Variants in LIPE observed in about 807,000 individuals in gnomAD.
LIPE encodes the protein hormone-sensitive lipase.
LIPE carries 66 observed loss-of-function variants against 88.5 expected under a neutral mutation model. That is an observed-to-expected ratio of 0.75 (90% CI 0.61 to 0.91). The LOEUF (loss-of-function observed/expected upper bound fraction) is 0.91, where lower values mean the gene tolerates loss of function less well. LIPE is among the 40% of genes least tolerant of loss of function. LIPE has a pLI of 0.00. For missense variants in LIPE, 1,346 were observed against 1,434.7 expected (o/e 0.94, Z 1.00); for synonymous variants, 570 against 617.5 (o/e 0.92, Z 1.14).
intron 1 of LIPE, among the ~76,000 whole-genome samples, chr19:42,421,108 A>G (rs2040589840): frequency 6.6e-6 from 1 of 152,104 alleles, no homozygotes; most frequent in African/African-American, 2.4e-5. Context: ...TATGTTGCCC[A>G]CGCTGGCCTC....
chr19:42,405,641 G>A, intron 7 of LIPE, 80 bp from the exon 8 acceptor site: 1 of 1,388,814 alleles, frequency 7.2e-7, no homozygotes, highest in Non-Finnish European at 9.9e-7. Context: ...AGGCATCTGT[G>A]GTCCCAGGGA....
At chr19:42,413,816 A>AC (rs2147642695) in intron 1 of LIPE, among the ~76,000 whole-genome samples, 1 of 152,364 alleles carries the variant, frequency 6.6e-6, no homozygotes, top group East Asian at 1.9e-4. Flanking sequence ...GGGACCTGGC[A>AC]CATAGCAGGT....
chr19:42,406,496 G>A lies in LIPE; in HGVS notation c.2138-108C>T, dbSNP rs1172848533. 4.5e-6 allele frequency: 4 copies of A among 897,986 alleles called. No individual in the cohort carries two copies. The highest frequency in any genetic ancestry group is 7.1e-6 in the Non-Finnish European group (4 of 566,048). The allele number at this position is 897,986 out of a possible 1,614,324, so 55.6% of individuals were successfully genotyped here. A position where few individuals can be genotyped will look rare whatever the true frequency, so the allele number is the denominator to read the frequency against. ...AGAACTGGGCTCTCCAAGGTGGGGT[G>A]TGGGGCACTCCAAGGCCTAGCAGAC... On this transcript the variant is annotated intron_variant, in intron 6 of 9. Coordinates refer to ENST00000244289, the MANE Select transcript of LIPE (RefSeq NM_005357.4). The surrounding 1 kb of genome is among the most constrained non-coding windows in gnomAD (Gnocchi z 5.7).
chr19:42,425,884 C>T (rs377722269), intron 1 of LIPE, among the ~76,000 whole-genome samples: 1 of 152,108 alleles, frequency 6.6e-6, no homozygotes, highest in Non-Finnish European at 1.5e-5. Flanking sequence ...CTCATTGCAA[C>T]CTTTGCCTCC....
chr19:42,423,818 G>T, intron 1 of LIPE: 1 of 1,116,876 alleles, frequency 9.0e-7, no homozygotes, highest in Non-Finnish European at 1.1e-6. Context: ...CCTTCGGGCA[G>T]GACTAGTGCG....
rs1168124267 is a variant in LIPE, at chr19:42,410,211, G to A, written c.1419+96C>T. 12 of 1,245,422 alleles carry A rather than the reference G, an allele frequency of 9.6e-6. No individual in the cohort carries two copies. The highest frequency in any genetic ancestry group is 1.5e-5 in the African/African-American group (1 of 66,052). 77.1% of individuals were successfully genotyped at this position (1,245,422 alleles called of 1,614,324 possible). On this transcript the variant is annotated intron_variant, in intron 2 of 9. Transcript: ENST00000244289. This position sits in a 1 kb window ranked among gnomAD's most constrained non-coding sequence, Gnocchi z 6.1. The stretch of plus-strand genomic sequence containing the variant: ...CCTGCTGTTTGCTGAGTCCGATAAT[G>A]CTGACCACTGGTTACTTTACCATAC...
chr19:42,406,526 GT>G lies in LIPE; in HGVS notation c.2138-139del. ...GCACTCCAAGGCCTAGCAGACTGCA[GT>G]TTTAGAGACTGGCAGACTGAGGCAC... On this transcript the variant is annotated intron_variant, in intron 6 of 9. Coordinates refer to ENST00000244289, the MANE Select transcript of LIPE (RefSeq NM_005357.4). This position sits in a 1 kb window ranked among gnomAD's most constrained non-coding sequence, Gnocchi z 5.7. 1.5e-6 allele frequency: 1 copy of G among 676,614 alleles called. No homozygotes were observed. Among genetic ancestry groups the G allele is most frequent in the Non-Finnish European group, 2.6e-6 (1 of 387,238 alleles). 41.9% of individuals were successfully genotyped at this position (676,614 alleles called of 1,614,324 possible). A position where few individuals can be genotyped will look rare whatever the true frequency, so the allele number is the denominator to read the frequency against.
In LIPE at chr19:42,423,948, ACG is replaced by A. The variant is rs1437233258; in HGVS notation, c.883+2317_883+2318del. 2.6e-6 allele frequency: 3 copies of A among 1,168,650 alleles called. No individual in the cohort carries two copies. The Admixed American group carries it at 1.3e-4, about 50-fold the overall frequency. The allele number at this position is 1,168,650 out of a possible 1,614,324, so 72.4% of individuals were successfully genotyped here. ...CCTTCCCAGGGAGGGATGCCCTAGC[ACG>A]CGGCCCGGCCCGCCTTTTGAAGGGG... On this transcript the variant is annotated intron_variant, in intron 1 of 9. Coordinates refer to ENST00000244289, the MANE Select transcript of LIPE (RefSeq NM_005357.4).
intron 1 of LIPE, among the ~76,000 whole-genome samples, chr19:42,421,583 G>A (rs561980953): frequency 2.0e-4 from 30 of 152,340 alleles, no homozygotes; most frequent in African/African-American, 7.0e-4. Context: ...AACCTCTTGG[G>A]CCCAGAATCA....
In LIPE at chr19:42,408,022, T is replaced by C; in HGVS notation, c.1610A>G (p.His537Arg). Reference protein sequence around the residue: ...FERITQNLDVHFWKAFWNITE... With the variant: ...FERITQNLDVRFWKAFWNITE... ...GATGTTCCAGAAGGCTTTCCAGAAG[T>C]GCACGTCCAGGTTCTGTGTGATCCG... Residue 537 changes from histidine to arginine, a missense_variant, in exon 4 of 10, where the codon CAC becomes CGC. Physicochemically the swap from His to Arg is conservative, Grantham distance 29 (BLOSUM62 0). Coordinates refer to ENST00000244289, the MANE Select transcript of LIPE (RefSeq NM_005357.4). This position sits in a 1 kb window ranked among gnomAD's most constrained non-coding sequence, Gnocchi z 4.3. The C allele has an allele frequency of 4.3e-6, 7 of 1,613,776 alleles. No individual in the cohort carries two copies. The highest frequency in any genetic ancestry group is 5.9e-6 in the Non-Finnish European group (7 of 1,179,866).
intron 1 of LIPE, chr19:42,424,226 A>G (rs548901826): frequency 6.4e-5 from 49 of 771,572 alleles, no homozygotes; most frequent in South Asian, 6.3e-4. Context: ...TGGTAGGAGA[A>G]CGCTCGGCGC....
intron 1 of LIPE, 75 bp downstream of exon 1, chr19:42,426,192 G>C: frequency 7.0e-7 from 1 of 1,437,554 alleles, no homozygotes; most frequent in South Asian, 1.4e-5. Context: ...CTGATACACC[G>C]TAAGTTTTTA....
chr19:42,410,777 C>A lies in LIPE; in HGVS notation c.949G>T (p.Asp317Tyr). Residue 317 changes from aspartate to tyrosine, a missense_variant, in exon 2 of 10, where the codon GAC becomes TAC. Transcript: ENST00000244289. The surrounding 1 kb of genome is among the most constrained non-coding windows in gnomAD (Gnocchi z 6.1). ...TGGCTCGAGAAGAAGGCTATGTTGT[C>A]CTCCGCCAGAGTCACCAGCGACTGT... ...MTQSLVTLAE[D>Y]NIAFFSSQGP... The A allele has an allele frequency of 6.2e-7, 1 of 1,607,640 alleles. No individual in the cohort carries two copies. The highest frequency in any genetic ancestry group is 8.5e-7 in the Non-Finnish European group (1 of 1,176,252).
intron 1 of LIPE, among the ~76,000 whole-genome samples, chr19:42,416,112 G>A (rs1306009431): frequency 6.6e-6 from 1 of 152,162 alleles, no homozygotes; most frequent in Non-Finnish European, 1.5e-5. Context: ...GGAGGCTGAG[G>A]CAGGTGGATC....
rs540969671 is a variant in LIPE, at chr19:42,410,480, G to C, written c.1246C>G (p.Leu416Val). 4 of 1,614,038 alleles carry C rather than the reference G, an allele frequency of 2.5e-6. No individual in the cohort carries two copies. The highest frequency in any genetic ancestry group is 1.7e-5 in the Admixed American group (1 of 60,030). ...GCGCGGAGCTGGGTGAGGGCAGCCAGGTAGGCCTCCAGCTCGGCCAGGTTG... is the reference window on the plus strand; with the variant it reads ...GCGCGGAGCTGGGTGAGGGCAGCCACGTAGGCCTCCAGCTCGGCCAGGTTG... ...SHNLAELEAY[L>V]AALTQLRALV... is the part of the protein sequence containing the mutation. Residue 416 changes from leucine to valine, a missense_variant, in exon 2 of 10, where the codon CTG (leucine) becomes GTG (valine). By Grantham distance (32) the Leu-to-Val change is conservative. Transcript: ENST00000244289. The surrounding 1 kb of genome is among the most constrained non-coding windows in gnomAD (Gnocchi z 6.1).
intron 1 of LIPE, among the ~76,000 whole-genome samples, chr19:42,420,380 AT>A (rs1240747969): frequency 6.6e-6 from 1 of 152,104 alleles, no homozygotes; most frequent in Admixed American, 6.5e-5. Flanking sequence ...GCACTGGTAC[AT>A]TTGAAGGTAT....
At chr19:42,411,319 CAA>C in intron 1 of LIPE, 1 of 985,166 alleles carries the variant, frequency 1.0e-6, no homozygotes. Flanking sequence ...TCCAGGAACC[CAA>C]GAGTCTAGTC....
At chr19:42,409,713 C>T (rs1312841320) in intron 2 of LIPE, among the ~76,000 whole-genome samples, 2 of 152,240 alleles carry the variant, frequency 1.3e-5, no homozygotes, top group Non-Finnish European at 1.5e-5. Context: ...TGGGCAGCCC[C>T]GGGATCTCTT....
At chr19:42,416,821 T>C (rs76760779) in intron 1 of LIPE, among the ~76,000 whole-genome samples, 5,055 of 152,316 alleles carry the variant, frequency 0.033, 253 homozygotes, top group African/African-American at 0.11. Flanking sequence ...AGGGCCCTGG[T>C]GGAGTAGATT....
Sources: allele counts gnomAD v4.1 joint callset (sites outside exome capture counted in the v4.1 genomes callset), GRCh38; gene constraint gnomAD v4.1.1; non-coding constraint Gnocchi (gnomAD v3.1); transcripts MANE v1.5; gene names NCBI Gene and HGNC (gene_info 2026-07-23, HGNC 2026-07-21).